Variants in SGCZ observed in about 807,000 individuals in gnomAD.
The protein encoded by SGCZ is zeta-sarcoglycan.
Under a neutral mutation model 41.3 loss-of-function variants are expected in SGCZ, and 40 were observed. That is an observed-to-expected ratio of 0.97 (90% CI 0.75 to 1.26). The LOEUF is 1.26. Ranked by LOEUF, SGCZ falls within the 50% of genes most tolerant of loss-of-function variation. The probability of loss-of-function intolerance (pLI) is 0.00; values close to 1 mark genes in which losing one functional copy is unlikely to be tolerated. For missense variants in SGCZ, 552 were observed against 369.8 expected, an observed-to-expected ratio of 1.49 and a Z score of -4.04; for synonymous variants, 206 against 137.5, an observed-to-expected ratio of 1.50 and a Z score of -3.49.
chr8:14,892,574 GTTTA>G (rs1243667560), intron 1 of SGCZ, among the ~76,000 whole-genome samples: 2 of 151,990 alleles, frequency 1.3e-5, no homozygotes, highest in Non-Finnish European at 2.9e-5. Flanking sequence ...TTTAATAATA[GTTTA>G]TTATTTGATA....
intron 1 of SGCZ, among the ~76,000 whole-genome samples, chr8:14,702,383 A>G (rs1235774458): frequency 1.3e-5 from 2 of 151,780 alleles, no homozygotes; most frequent in East Asian, 1.9e-4. Context: ...AAGTGATCCA[A>G]TCCAGCCCTT....
chr8:15,168,959 G>A (rs1436331356), intron 1 of SGCZ, among the ~76,000 whole-genome samples: 2 of 152,132 alleles, frequency 1.3e-5, no homozygotes, highest in Non-Finnish European at 2.9e-5. Flanking sequence ...TCCCACTCCT[G>A]TGTAAACTGG....
intron 1 of SGCZ, among the ~76,000 whole-genome samples, chr8:15,119,477 A>G (rs1227223341): frequency 6.6e-6 from 1 of 151,846 alleles, no homozygotes; most frequent in Non-Finnish European, 1.5e-5. Flanking sequence ...AGTTGCAATG[A>G]GCCATGGTCA....
chr8:14,219,997 G>T (rs1306765995), intron 4 of SGCZ, among the ~76,000 whole-genome samples: 3 of 152,152 alleles, frequency 2.0e-5, no homozygotes, highest in African/African-American at 7.2e-5. Context: ...GATTGTAATG[G>T]TTCTCATTTT....
chr8:14,380,426 T>A (rs889882661), intron 2 of SGCZ, among the ~76,000 whole-genome samples: 28 of 152,058 alleles, frequency 1.8e-4, no homozygotes, highest in Non-Finnish European at 3.5e-4. Context: ...TGCAATATGA[T>A]GAAAGGTTAT....
At chr8:14,101,735 T>G (rs1585134481) in intron 7 of SGCZ, among the ~76,000 whole-genome samples, 1 of 151,996 alleles carries the variant, frequency 6.6e-6, no homozygotes, top group Admixed American at 6.6e-5. Context: ...ACCAAAGTGC[T>G]TTCTGGAAGA....
chr8:15,160,206 G>C lies in SGCZ; in HGVS notation c.39+77379C>G, dbSNP rs137880927. Among the ~76,000 whole-genome samples, 85 of 152,204 alleles carry C rather than the reference G, an allele frequency of 5.6e-4. No individual in the cohort carries two copies. In the East Asian group the frequency reaches 0.013, roughly 23 times the overall value. ...ACTACTCTAGACATCTCAGGGAAGT[G>C]CAATAACACATTATTTGTCTTTTTG... On this transcript the variant is annotated intron_variant, in intron 1 of 7. Coordinates refer to ENST00000382080, the MANE Select transcript of SGCZ (RefSeq NM_139167.4).
chr8:15,023,726 G>A (rs1323430305), intron 1 of SGCZ, among the ~76,000 whole-genome samples: 3 of 152,106 alleles, frequency 2.0e-5, no homozygotes, highest in Non-Finnish European at 4.4e-5. Context: ...AATAATCTTC[G>A]GTATGTTCAC....
chr8:14,472,223 T>C (rs183298236), intron 2 of SGCZ, among the ~76,000 whole-genome samples: 2 of 152,132 alleles, frequency 1.3e-5, no homozygotes, highest in Non-Finnish European at 2.9e-5. Context: ...GTAATCTTTT[T>C]GAAATGATGG....
intron 3 of SGCZ, among the ~76,000 whole-genome samples, chr8:14,283,578 G>A (rs891115618): frequency 2.6e-5 from 4 of 152,182 alleles, no homozygotes; most frequent in East Asian, 1.9e-4. Context: ...GTTCCTTCAC[G>A]TTAAACCCTT....
intron 3 of SGCZ, among the ~76,000 whole-genome samples, chr8:14,259,338 T>G (rs12542444): frequency 0.38 from 57,662 of 151,086 alleles, 12,338 homozygotes; most frequent in Non-Finnish European, 0.5. Flanking sequence ...GTCAATTTTG[T>G]CTTTTGTTGC....
chr8:14,342,412 G>T lies in SGCZ; in HGVS notation c.235-18208C>A, dbSNP rs562178490. Among the ~76,000 whole-genome samples the T allele has an allele frequency of 3.2e-4, 49 of 152,210 alleles. No individual in the cohort carries two copies. The East Asian group carries it at 9.3e-3, about 29-fold the overall frequency. On this transcript the variant is annotated intron_variant, in intron 2 of 7. Transcript: ENST00000382080. ...GCTCACTGCAAGCTCTGCCTCCCGG[G>T]TTCATGCCATTCTCCTGCCTCAGCC...
chr8:14,706,978 ATTC>A (rs1809351287), intron 1 of SGCZ, among the ~76,000 whole-genome samples: 1 of 149,390 alleles, frequency 6.7e-6, no homozygotes, highest in African/African-American at 2.5e-5. Flanking sequence ...CATTTAGTCA[ATTC>A]TTTTTTTTTT....
Position 14,567,445 on chromosome 8 carries a change from T to G in SGCZ, c.40-12519A>C, listed in dbSNP as rs559638642. ...CTAATCTAGTGGGGACATGGAGAAC[T>G]TTTGTGTCTGGCTCAGGGATTGTAA... On this transcript the variant is annotated intron_variant, in intron 1 of 7. Transcript: ENST00000382080. 1.4e-3 allele frequency among the ~76,000 whole-genome samples: 207 copies of G among 152,248 alleles called. 3 individuals carry two copies. Among genetic ancestry groups the G allele is most frequent in the Middle Eastern group, 3.4e-3 (1 of 294 alleles).
chr8:15,043,647 A>G, intron 1 of SGCZ, among the ~76,000 whole-genome samples: 1 of 152,238 alleles, frequency 6.6e-6, no homozygotes, highest in East Asian at 1.9e-4. Context: ...AATCTTTTCT[A>G]TATTAAAAAA....
intron 1 of SGCZ, among the ~76,000 whole-genome samples, chr8:15,007,368 C>G (rs1349659892): frequency 6.6e-6 from 1 of 152,132 alleles, no homozygotes; most frequent in Non-Finnish European, 1.5e-5. Flanking sequence ...TCAAAAATAT[C>G]TTGCAATTTG....
chr8:15,126,457 A>G (rs560944910), intron 1 of SGCZ, among the ~76,000 whole-genome samples: 8 of 152,208 alleles, frequency 5.3e-5, no homozygotes, highest in South Asian at 2.1e-4. Context: ...TTGTGAAAGC[A>G]AAAACACGGG....
chr8:14,986,005 T>C (rs1328159145), intron 1 of SGCZ, among the ~76,000 whole-genome samples: 3 of 152,150 alleles, frequency 2.0e-5, no homozygotes, highest in African/African-American at 7.2e-5. Flanking sequence ...TCGTTAAATA[T>C]GAGCAATATG....
At chr8:14,818,136 C>G (rs1262612100) in intron 1 of SGCZ, among the ~76,000 whole-genome samples, 1 of 152,142 alleles carries the variant, frequency 6.6e-6, no homozygotes, top group Non-Finnish European at 1.5e-5. Context: ...CCTGGAGAGA[C>G]AGCTGCACAA....
Sources: gnomAD v4.1 joint callset for allele counts (sites outside exome capture counted in the v4.1 genomes callset) on GRCh38, gnomAD v4.1.1 for gene constraint, MANE v1.5 for transcripts, NCBI Gene and HGNC (gene_info 2026-07-23, HGNC 2026-07-21) for gene names.